CSMD3: variants seen among roughly 807,000 people sequenced by gnomAD.
CSMD3 encodes CUB and sushi domain-containing protein 3.
A neutral mutation model predicts 435.2 loss-of-function variants in CSMD3; 177 were observed. The ratio of observed to expected loss-of-function variants is 0.41; its 90% CI spans 0.36 to 0.46. The LOEUF is 0.46. CSMD3 is among the 20% of genes least tolerant of loss of function. CSMD3 has a pLI of 0.34. For synonymous variants in CSMD3, 1,656 were observed against 1,520.5 expected, an observed-to-expected ratio of 1.09 and a Z score of -2.07; for missense variants, 4,265 against 4,504.6, an observed-to-expected ratio of 0.95 and a Z score of 1.52.
At chr8:113,027,442 A>C (rs1225171383) in intron 5 of CSMD3, among the ~76,000 whole-genome samples, 1 of 152,200 alleles carries the variant, frequency 6.6e-6, no homozygotes, top group East Asian at 1.9e-4. Flanking sequence ...TAAATGCATT[A>C]ATTTTCCACA....
At chr8:113,342,586 G>A (rs148363728) in intron 1 of CSMD3, among the ~76,000 whole-genome samples, 4 of 152,162 alleles carry the variant, frequency 2.6e-5, no homozygotes, top group African/African-American at 9.6e-5. Context: ...TACCCTAGAC[G>A]TGACTCAACT....
At chr8:112,757,933 G>T (rs1366665952) in intron 13 of CSMD3, among the ~76,000 whole-genome samples, 1 of 152,154 alleles carries the variant, frequency 6.6e-6, no homozygotes, top group South Asian at 2.1e-4. Flanking sequence ...GCACACATTT[G>T]TGGTCCCAGC....
At chr8:112,939,834 T>C (rs1220715642) in intron 9 of CSMD3, among the ~76,000 whole-genome samples, 2 of 151,826 alleles carry the variant, frequency 1.3e-5, no homozygotes, top group East Asian at 3.9e-4. Context: ...GAGTGAAAAA[T>C]GGGTAGTCAA....
At chr8:112,325,641 C>T (rs759573686) in intron 45 of CSMD3, among the ~76,000 whole-genome samples, 24 of 151,258 alleles carry the variant, frequency 1.6e-4, no homozygotes, top group Non-Finnish European at 2.7e-4. Flanking sequence ...GAATGGATGC[C>T]GAATTAGTGT....
Position 113,270,809 on chromosome 8 carries a change from G to C in CSMD3, c.514+7783C>G, listed in dbSNP as rs187843746. On this transcript the variant is annotated intron_variant, in intron 3 of 70. Transcript: ENST00000297405. ...TTGGACACAGGAAGGGGGACATCACGCACCGGGGCCTGTTGTGGGGTGGGA... is the reference window on the plus strand; with the variant it reads ...TTGGACACAGGAAGGGGGACATCACCCACCGGGGCCTGTTGTGGGGTGGGA... Among the ~76,000 whole-genome samples the C allele has an allele frequency of 4.0e-3, 598 of 150,794 alleles. 3 individuals carry two copies. Among genetic ancestry groups the C allele is most frequent in the Non-Finnish European group, 7.4e-3 (499 of 67,706 alleles).
intron 19 of CSMD3, among the ~76,000 whole-genome samples, 195 bp from the exon 20 acceptor site, chr8:112,645,420 G>C (rs1046917813): frequency 6.6e-6 from 1 of 152,154 alleles, no homozygotes; most frequent in Non-Finnish European, 1.5e-5. Flanking sequence ...CAGTCCCCAA[G>C]AGAACATGGC....
intron 11 of CSMD3, among the ~76,000 whole-genome samples, chr8:112,844,705 A>T (rs1482511499): frequency 6.6e-6 from 1 of 151,930 alleles, no homozygotes; most frequent in Non-Finnish European, 1.5e-5. Context: ...GTCTTGGACC[A>T]GATACATATC....
intron 13 of CSMD3, among the ~76,000 whole-genome samples, chr8:112,707,006 T>C (rs1269041938): frequency 6.6e-6 from 1 of 152,100 alleles, no homozygotes; most frequent in Non-Finnish European, 1.5e-5. Context: ...AAGTGGAATA[T>C]AGATTTTTGT....
At chr8:112,733,981 C>T (rs1196912912) in intron 13 of CSMD3, among the ~76,000 whole-genome samples, 1 of 151,414 alleles carries the variant, frequency 6.6e-6, no homozygotes, top group East Asian at 1.9e-4. Flanking sequence ...TTATTATCCT[C>T]CAAGGGTTTT....
chr8:112,425,537 T>A (rs1011510012), intron 32 of CSMD3, among the ~76,000 whole-genome samples: 1 of 152,164 alleles, frequency 6.6e-6, no homozygotes, highest in Admixed American at 6.5e-5. Context: ...CTTATGCATA[T>A]TTTGAGGATG....
chr8:113,140,949 T>C (rs1163153032), intron 4 of CSMD3, among the ~76,000 whole-genome samples: 4 of 150,780 alleles, frequency 2.7e-5, no homozygotes, highest in Non-Finnish European at 4.5e-5. Context: ...GAAGGATTTT[T>C]AAAAAATCAA....
intron 10 of CSMD3, among the ~76,000 whole-genome samples, chr8:112,900,501 A>T (rs975562593): frequency 2.0e-5 from 3 of 151,188 alleles, no homozygotes; most frequent in Non-Finnish European, 4.4e-5. Flanking sequence ...TCTTCATGTG[A>T]TACTGTGGAA....
intron 2 of CSMD3, among the ~76,000 whole-genome samples, chr8:113,285,440 T>A (rs899047874): frequency 6.6e-6 from 1 of 152,064 alleles, no homozygotes; most frequent in Non-Finnish European, 1.5e-5. Context: ...TTTTGTTTTT[T>A]AGTAGAGACG....
At chr8:113,432,639 G>C (rs1232947877) in intron 1 of CSMD3, among the ~76,000 whole-genome samples, 3 of 152,190 alleles carry the variant, frequency 2.0e-5, no homozygotes, top group Non-Finnish European at 4.4e-5. Context: ...ACGTTGCAGA[G>C]GAGCCACAAT....
chr8:113,133,605 G>A (rs979085797), intron 4 of CSMD3, among the ~76,000 whole-genome samples: 37 of 152,112 alleles, frequency 2.4e-4, no homozygotes, highest in African/African-American at 8.2e-4. Flanking sequence ...ATTGAAAGCA[G>A]AGTGTAAAGT....
chr8:113,430,832 G>T (rs2094667776), intron 1 of CSMD3, among the ~76,000 whole-genome samples: 1 of 152,056 alleles, frequency 6.6e-6, no homozygotes, highest in African/African-American at 2.4e-5. Context: ...TTCAAATTAG[G>T]TTGCCGGCAA....
intron 35 of CSMD3, among the ~76,000 whole-genome samples, chr8:112,397,175 G>T (rs1404403989): frequency 6.6e-6 from 1 of 152,110 alleles, no homozygotes; most frequent in Non-Finnish European, 1.5e-5. Context: ...GTTAAAAATA[G>T]AAATGCAAAC....
At chr8:112,615,627 A>G (rs1720712632) in intron 22 of CSMD3, among the ~76,000 whole-genome samples, 1 of 152,050 alleles carries the variant, frequency 6.6e-6, no homozygotes, top group Non-Finnish European at 1.5e-5. Context: ...ACTAGATGCA[A>G]TTCTATAATA....
chr8:113,211,368 C>G (rs765530569), intron 3 of CSMD3, among the ~76,000 whole-genome samples: 5 of 152,098 alleles, frequency 3.3e-5, no homozygotes, highest in South Asian at 2.1e-4. Flanking sequence ...CTGAAGGTCA[C>G]TAAATAATTT....
Sources: gnomAD v4.1 joint callset for allele counts (sites outside exome capture counted in the v4.1 genomes callset) on GRCh38, gnomAD v4.1.1 for gene constraint, MANE v1.5 for transcripts, NCBI Gene and HGNC (gene_info 2026-07-23, HGNC 2026-07-21) for gene names.